MAP2: variants seen among roughly 807,000 people sequenced by gnomAD.
The protein encoded by MAP2 is microtubule associated protein 2, also known as microtubule-associated protein 2.
In MAP2, 14 loss-of-function variants were observed where a neutral mutation model predicts 137.6. The ratio of observed to expected loss-of-function variants is 0.10; its 90% CI spans 0.07 to 0.16. The LOEUF is 0.16. MAP2 is among the 10% of genes least tolerant of loss of function. The pLI is 1.00. For missense variants in MAP2, 2,088 were observed against 2,191.5 expected (o/e 0.95, Z 0.94); for synonymous variants, 786 against 782.3 (o/e 1.00, Z -0.08).
At chr2:209,445,590 C>T (rs1210302311) in intron 1 of MAP2, among the ~76,000 whole-genome samples, 3 of 151,446 alleles carry the variant, frequency 2.0e-5, no homozygotes, top group Non-Finnish European at 3.0e-5. Context: ...CCTCTGGGCA[C>T]GTAACTAATC....
chr2:209,709,132 G>A (rs1161785207), intron 12 of MAP2, among the ~76,000 whole-genome samples: 1 of 152,130 alleles, frequency 6.6e-6, no homozygotes, highest in Non-Finnish European at 1.5e-5. Flanking sequence ...CTCAGATCCT[G>A]TATAATTAAT....
intron 7 of MAP2, among the ~76,000 whole-genome samples, chr2:209,688,538 A>G (rs1254281899): frequency 6.6e-6 from 1 of 152,218 alleles, no homozygotes; most frequent in East Asian, 1.9e-4. Context: ...TACAGAAACT[A>G]CAGAGGCTTC....
intron 2 of MAP2, among the ~76,000 whole-genome samples, chr2:209,553,748 A>G (rs1179629643): frequency 6.6e-6 from 1 of 152,194 alleles, no homozygotes; most frequent in Non-Finnish European, 1.5e-5. Flanking sequence ...TAAGTGGCGT[A>G]TTTGAGAATG....
intron 2 of MAP2, among the ~76,000 whole-genome samples, chr2:209,528,943 T>C (rs2064652188): frequency 6.6e-6 from 1 of 151,706 alleles, no homozygotes; most frequent in African/African-American, 2.4e-5. Context: ...CATACATATG[T>C]ACATATACAT....
intron 1 of MAP2, among the ~76,000 whole-genome samples, chr2:209,497,112 T>C (rs760252740): frequency 4.6e-5 from 7 of 152,102 alleles, no homozygotes; most frequent in Non-Finnish European, 1.0e-4. Flanking sequence ...GGACTGTAAA[T>C]ACTGTTATGG....
intron 1 of MAP2, among the ~76,000 whole-genome samples, chr2:209,465,148 C>G (rs2149640474): frequency 6.6e-6 from 1 of 152,084 alleles, no homozygotes; most frequent in Admixed American, 6.6e-5. Flanking sequence ...AATCCAGTCC[C>G]TTTTCTTTTA....
Position 209,731,054 on chromosome 2 carries a change from T to C in MAP2, c.*657T>C, listed in dbSNP as rs2075712264. 1 of 152,722 alleles carries C rather than the reference T, an allele frequency of 6.5e-6. No individual in the cohort carries two copies. The highest frequency in any genetic ancestry group is 1.5e-5 in the Non-Finnish European group (1 of 68,118). The allele number at this position is 152,722 out of a possible 1,614,324, so 9.5% of individuals were successfully genotyped here. A position where few individuals can be genotyped will look rare whatever the true frequency, so the allele number is the denominator to read the frequency against. On this transcript the variant is annotated 3_prime_UTR_variant, in exon 16 of 16. Transcript: ENST00000682079. Reference sequence around the variant, plus strand: ...GTAAAAGTGCATCCATTAGGAATGATGCACTTTCATTAGGATGGACTCGTG... The same window carrying C: ...GTAAAAGTGCATCCATTAGGAATGACGCACTTTCATTAGGATGGACTCGTG...
At chr2:209,539,131 T>C (rs1483911172) in intron 2 of MAP2, among the ~76,000 whole-genome samples, 1 of 152,228 alleles carries the variant, frequency 6.6e-6, no homozygotes, top group African/African-American at 2.4e-5. Context: ...CTTGTGTTTA[T>C]TTGACCTGCT....
chr2:209,508,347 T>C (rs895902099), intron 2 of MAP2, among the ~76,000 whole-genome samples: 3 of 152,004 alleles, frequency 2.0e-5, no homozygotes, highest in African/African-American at 4.8e-5. Context: ...AACATGCCAG[T>C]TGTTGCTAAA....
intron 1 of MAP2, among the ~76,000 whole-genome samples, chr2:209,475,355 A>G (rs1433354352): frequency 2.0e-5 from 3 of 152,112 alleles, no homozygotes; most frequent in African/African-American, 7.2e-5. Flanking sequence ...GCCACTGTAT[A>G]CAACTCTGAA....
At chr2:209,697,870 A>G (rs922274770) in intron 10 of MAP2, among the ~76,000 whole-genome samples, 6 of 151,992 alleles carry the variant, frequency 3.9e-5, no homozygotes, top group African/African-American at 1.5e-4. Context: ...GTTTCCCAAG[A>G]CGGAATCTCG....
At chr2:209,481,736 T>C (rs936323093) in intron 1 of MAP2, among the ~76,000 whole-genome samples, 5 of 152,236 alleles carry the variant, frequency 3.3e-5, no homozygotes, top group African/African-American at 1.2e-4. Flanking sequence ...AGCTTGTCTT[T>C]AGGTTTCTGA....
intron 4 of MAP2, among the ~76,000 whole-genome samples, chr2:209,630,358 A>G (rs2092866582): frequency 6.6e-6 from 1 of 152,154 alleles, no homozygotes; most frequent in South Asian, 2.1e-4. Context: ...CTTTACGTAG[A>G]GACTGGATTT....
Position 209,695,451 on chromosome 2 carries a change from T to G in MAP2, c.3281T>G (p.Val1094Gly), listed in dbSNP as rs1275778751. 1 of 1,614,002 alleles carries G rather than the reference T, an allele frequency of 6.2e-7. No homozygotes were observed. The highest frequency in any genetic ancestry group is 1.7e-5 in the Admixed American group (1 of 60,004). Reference protein sequence around the residue: ...APQEADAFMGVESGHMKEGTK... With the variant: ...APQEADAFMGGESGHMKEGTK... ...CAGGAGGCAGATGCATTTATGGGTG[T>G]TGAGTCTGGCCACATGAAAGAAGGC... Residue 1094 changes from valine to glycine, a missense_variant, in exon 8 of 16, where the codon GTT becomes GGT. Physicochemically the swap from Val to Gly is moderately radical, Grantham distance 109 (BLOSUM62 -3). Around this residue, in one of 6 missense-constraint regions of MAP2, gnomAD observed 500 missense variants for 482.9 expected, o/e 1.04. Transcript: ENST00000682079.
intron 2 of MAP2, among the ~76,000 whole-genome samples, chr2:209,560,989 C>A (rs1418628241): frequency 6.6e-6 from 1 of 152,028 alleles, no homozygotes; most frequent in South Asian, 2.1e-4. Context: ...GGAAGGAAAG[C>A]AAAACAGCCC....
chr2:209,647,234 A>C (rs2094476500), intron 4 of MAP2, among the ~76,000 whole-genome samples: 1 of 152,154 alleles, frequency 6.6e-6, no homozygotes, highest in African/African-American at 2.4e-5. Context: ...GTCACCTCCT[A>C]TCAGTCCCCA....
intron 5 of MAP2, among the ~76,000 whole-genome samples, chr2:209,662,922 T>C (rs1411157033): frequency 1.3e-5 from 2 of 152,014 alleles, no homozygotes; most frequent in East Asian, 3.9e-4. Context: ...ACTATATTTC[T>C]TATCAAGCAA....
chr2:209,604,433 G>T (rs1166000533), intron 3 of MAP2, among the ~76,000 whole-genome samples: 1 of 151,954 alleles, frequency 6.6e-6, no homozygotes, highest in African/African-American at 2.4e-5. Flanking sequence ...TTTTGCTCCT[G>T]GTCTAAAGAA....
intron 4 of MAP2, among the ~76,000 whole-genome samples, chr2:209,649,324 T>C (rs1336258406): frequency 6.6e-6 from 1 of 152,126 alleles, no homozygotes; most frequent in Non-Finnish European, 1.5e-5. Flanking sequence ...GTCTTTATCT[T>C]CTTTAATTGC....
Sources: allele counts gnomAD v4.1 joint callset (sites outside exome capture counted in the v4.1 genomes callset), GRCh38; gene constraint gnomAD v4.1.1; regional missense constraint gnomAD v4.1.1; transcripts MANE v1.5; gene names NCBI Gene and HGNC (gene_info 2026-07-23, HGNC 2026-07-21).